AMPH: variants seen among roughly 807,000 people sequenced by gnomAD.
AMPH encodes the protein amphiphysin, also known as amphiphysin (Stiff-Mann syndrome with breast cancer 128kD autoantigen).
AMPH carries 49 observed loss-of-function variants against 99.1 expected under a neutral mutation model. That is an observed-to-expected ratio of 0.49 (90% confidence interval 0.39 to 0.63). The LOEUF (loss-of-function observed/expected upper bound fraction) is 0.63. Ranked by LOEUF, AMPH falls within the 20% of genes least tolerant of loss-of-function variation. AMPH has a pLI of 0.00. For synonymous variants in AMPH, 314 were observed against 317.3 expected (o/e 0.99, Z 0.11); for missense variants, 759 against 863.4 (o/e 0.88, Z 1.52).
At chr7:38,445,010 T>TATATATATATATATACACACACACAC (rs1458295332) in intron 11 of AMPH, among the ~76,000 whole-genome samples, 2 of 125,990 alleles carry the variant, frequency 1.6e-5, no homozygotes, top group South Asian at 2.7e-4. Flanking sequence ...TATATATATA[T>TATATATATATATATACACACACACAC]ACACACACAC....
chr7:38,507,582 A>G (rs1034216282), intron 2 of AMPH, among the ~76,000 whole-genome samples: 4 of 152,262 alleles, frequency 2.6e-5, no homozygotes, highest in Admixed American at 1.3e-4. Context: ...TTGAAATTAA[A>G]CAAATTCTTA....
At chr7:38,451,678 A>T (rs1787044714) in intron 11 of AMPH, among the ~76,000 whole-genome samples, 1 of 152,088 alleles carries the variant, frequency 6.6e-6, no homozygotes, top group Non-Finnish European at 1.5e-5. Flanking sequence ...ATCAAAAGGG[A>T]TGTAGCCCCT....
chr7:38,484,719 T>C (rs1788423553), intron 5 of AMPH, among the ~76,000 whole-genome samples: 1 of 151,948 alleles, frequency 6.6e-6, no homozygotes, highest in Non-Finnish European at 1.5e-5. Flanking sequence ...GTAACAGTGG[T>C]GGGTAAATCA....
chr7:38,465,083 A>ACAAT (rs1787599205), intron 9 of AMPH, among the ~76,000 whole-genome samples: 1 of 152,226 alleles, frequency 6.6e-6, no homozygotes, highest in South Asian at 2.1e-4. Flanking sequence ...ATCAATGATA[A>ACAAT]CAATCAAGAC....
chr7:38,567,481 A>G (rs746933317), intron 1 of AMPH, among the ~76,000 whole-genome samples: 41 of 152,322 alleles, frequency 2.7e-4, no homozygotes, highest in Non-Finnish European at 3.2e-4. Context: ...GCACATATAT[A>G]CCTATGTAAC....
intron 12 of AMPH, among the ~76,000 whole-genome samples, chr7:38,434,281 G>A (rs1786170220): frequency 6.6e-6 from 1 of 152,250 alleles, no homozygotes; most frequent in East Asian, 1.9e-4. Context: ...GAATCTCTTA[G>A]TCATAAGGCC....
intron 1 of AMPH, among the ~76,000 whole-genome samples, chr7:38,580,960 C>A (rs17171403): frequency 0.063 from 9,647 of 152,152 alleles, 355 homozygotes; most frequent in East Asian, 0.11. Context: ...TGGGTTAAGC[C>A]TATTATATTT....
chr7:38,475,434 C>G lies in AMPH; in HGVS notation c.505-18G>C, dbSNP rs1222992001. 6.4e-7 allele frequency: 1 copy of G among 1,558,282 alleles called. No homozygotes were observed. Among genetic ancestry groups the G allele is most frequent in the East Asian group, 2.2e-5 (1 of 44,446 alleles). On this transcript the variant is annotated intron_variant, in intron 6 of 20. Coordinates refer to ENST00000356264, the MANE Select transcript of AMPH (RefSeq NM_001635.4). The stretch of plus-strand genomic sequence containing the variant: ...TCTTCTGCCTAGGAATGAAACATAA[C>G]ATGTGTTTACACTAAGAAAGACCAT...
chr7:38,503,388 C>G (rs1256568046), intron 3 of AMPH, among the ~76,000 whole-genome samples: 1 of 151,832 alleles, frequency 6.6e-6, no homozygotes. Flanking sequence ...AGAAATTTTC[C>G]TGGAAATCTC....
At chr7:38,575,420 C>T (rs1792202395) in intron 1 of AMPH, among the ~76,000 whole-genome samples, 1 of 152,084 alleles carries the variant, frequency 6.6e-6, no homozygotes, top group African/African-American at 2.4e-5. Flanking sequence ...TGTCCCCACC[C>T]AAATCTCATC....
intron 14 of AMPH, chr7:38,427,789 A>G (rs1180001944): frequency 7.5e-6 from 3 of 399,376 alleles, no homozygotes; most frequent in Non-Finnish European, 1.5e-5. Context: ...GGAAAAACAG[A>G]GCCTACAGAA....
rs778532321 is a variant in AMPH at position 38,384,775 on chromosome 7, T to TAA, written c.*41_*42dup. On this transcript the variant is annotated 3_prime_UTR_variant, in exon 21 of 21. Coordinates refer to ENST00000356264, the MANE Select transcript of AMPH (RefSeq NM_001635.4). ...AACTCTTCAGGTTTTCATGAAGGTTTAAAAACCCCGTAACTGAGCTCCTTC... is the reference window on the plus strand; with the variant it reads ...AACTCTTCAGGTTTTCATGAAGGTTTAAAAAAACCCCGTAACTGAGCTCCTTC... The TAA allele has an allele frequency of 1.7e-5, 26 of 1,538,414 alleles. 1 individual carries two copies. In the South Asian group the frequency reaches 2.8e-4, roughly 17 times the overall value.
chr7:38,547,337 C>T (rs1791028299), intron 1 of AMPH, among the ~76,000 whole-genome samples: 1 of 152,142 alleles, frequency 6.6e-6, no homozygotes, highest in Non-Finnish European at 1.5e-5. Context: ...TGAATTAAAA[C>T]AATCCAACAC....
Position 38,429,878 on chromosome 7 carries a change from A to G in AMPH, c.1159-13T>C, listed in dbSNP as rs1394277960. ...AATCAGTGCTTGTCTGTATGGGTAAAGAAAATAGTAACAATAAGGCGAGAG... is the reference window on the plus strand; with the variant it reads ...AATCAGTGCTTGTCTGTATGGGTAAGGAAAATAGTAACAATAAGGCGAGAG... On this transcript the variant is annotated splice_polypyrimidine_tract_variant and intron_variant, in intron 13 of 20. Transcript: ENST00000356264. 1.2e-6 allele frequency: 2 copies of G among 1,602,558 alleles called. No individual in the cohort carries two copies. The highest frequency in any genetic ancestry group is 3.5e-5 in the Admixed American group (2 of 56,668).
At position 38,422,412 on chromosome 7, in the gene AMPH, T is replaced by C. The variant is rs1785611654; in HGVS notation, c.1272+9A>G. On this transcript the variant is annotated intron_variant, in intron 16 of 20. Coordinates refer to ENST00000356264, the MANE Select transcript of AMPH (RefSeq NM_001635.4). The stretch of plus-strand genomic sequence containing the variant: ...AACTTCCTGAGAGCACAAACCCAAA[T>C]CAACTTACCAAGTTGCAGATCATAC... The C allele has an allele frequency of 1.2e-6, 2 of 1,611,532 alleles. No homozygotes were observed. The highest frequency in any genetic ancestry group is 2.7e-5 in the African/African-American group (2 of 74,820).
At chr7:38,547,108 C>A (rs1339802661) in intron 1 of AMPH, among the ~76,000 whole-genome samples, 4 of 152,102 alleles carry the variant, frequency 2.6e-5, no homozygotes, top group Non-Finnish European at 5.9e-5. Flanking sequence ...TTCAGGTGGC[C>A]CCAATAATTG....
At chr7:38,488,489 G>A (rs1251337393) in intron 5 of AMPH, among the ~76,000 whole-genome samples, 3 of 148,710 alleles carry the variant, frequency 2.0e-5, no homozygotes, top group Admixed American at 6.7e-5. Flanking sequence ...ACATGGACAC[G>A]GAGTGGAACA....
intron 1 of AMPH, among the ~76,000 whole-genome samples, chr7:38,550,286 G>A (rs1025008179): frequency 2.0e-5 from 3 of 152,166 alleles, no homozygotes; most frequent in Non-Finnish European, 4.4e-5. Flanking sequence ...CTATTGCACA[G>A]TACAATCCAC....
At chr7:38,616,867 G>A (rs117176683) in intron 1 of AMPH, among the ~76,000 whole-genome samples, 3 of 152,116 alleles carry the variant, frequency 2.0e-5, no homozygotes, top group Non-Finnish European at 4.4e-5. Flanking sequence ...GGTATTAGCT[G>A]GGAAGAGGCA....
Sources: allele counts gnomAD v4.1 joint callset (sites outside exome capture counted in the v4.1 genomes callset), GRCh38; gene constraint gnomAD v4.1.1; transcripts MANE v1.5; gene names NCBI Gene and HGNC (gene_info 2026-07-23, HGNC 2026-07-21).